CFAP61: variants seen among roughly 807,000 people sequenced by gnomAD.
CFAP61 encodes the protein cilia- and flagella-associated protein 61.
A neutral mutation model predicts 135.6 loss-of-function variants in CFAP61; 107 were observed. That is an observed-to-expected ratio of 0.79 (90% CI 0.67 to 0.93). The LOEUF (loss-of-function observed/expected upper bound fraction) is 0.93. Ranked by LOEUF, CFAP61 falls within the 40% of genes least tolerant of loss-of-function variation. CFAP61 has a pLI of 0.00. For missense variants in CFAP61, 1,507 were observed against 1,556.2 expected (o/e 0.97, Z 0.53); for synonymous variants, 575 against 578.5 (o/e 0.99, Z 0.09).
chr20:20,194,537 G>A (rs1365786116), intron 15 of CFAP61, among the ~76,000 whole-genome samples: 1 of 152,100 alleles, frequency 6.6e-6, no homozygotes, highest in African/African-American at 2.4e-5. Context: ...GTTTCTCTAT[G>A]CTGGTCTTTT....
At chr20:20,149,214 T>G (rs2052183675) in intron 9 of CFAP61, among the ~76,000 whole-genome samples, 1 of 152,178 alleles carries the variant, frequency 6.6e-6, no homozygotes, top group South Asian at 2.1e-4. Flanking sequence ...AAATTTAGGA[T>G]TCAAGTCATC....
intron 9 of CFAP61, among the ~76,000 whole-genome samples, chr20:20,146,042 C>T (rs2051853297): frequency 6.6e-6 from 1 of 152,218 alleles, no homozygotes; most frequent in Non-Finnish European, 1.5e-5. Flanking sequence ...CAGTGGCCCT[C>T]AGCATCCCAT....
rs746803306 is a variant in CFAP61 at position 20,288,879 on chromosome 20, G to A, written c.3067G>A (p.Glu1023Lys). Residue 1023 changes from glutamate (E) to lysine (K), a missense_variant, in exon 23 of 27, where the codon GAG becomes AAG. Transcript: ENST00000245957. The stretch of plus-strand genomic sequence containing the variant: ...TGATCCAACCCTTGAGCCTGTGACC[G>A]AGCCACCAGCTAATCTTGACCGGCT... Reference protein sequence around the residue: ...LFDPTLEPVTEPPANLDRLIP... With the variant: ...LFDPTLEPVTKPPANLDRLIP... 1.2e-5 allele frequency: 20 copies of A among 1,613,434 alleles called. No homozygotes were observed. The East Asian group carries it at 1.8e-4, about 14-fold the overall frequency.
intron 24 of CFAP61, among the ~76,000 whole-genome samples, chr20:20,296,041 C>G (rs757975503): frequency 0.023 from 629 of 27,764 alleles, 9 homozygotes; most frequent in Non-Finnish European, 0.024. Flanking sequence ...TTTTCTTCCT[C>G]CCTCCCTTCC....
At chr20:20,255,430 G>T (rs886365693) in intron 20 of CFAP61, among the ~76,000 whole-genome samples, 1 of 152,188 alleles carries the variant, frequency 6.6e-6, no homozygotes, top group Admixed American at 6.5e-5. Flanking sequence ...GCAGCTGACA[G>T]GTAGGGCAGG....
At chr20:20,357,078 A>G (rs75766337) in intron 26 of CFAP61, among the ~76,000 whole-genome samples, 4,487 of 13,988 alleles carry the variant, frequency 0.32, 171 homozygotes, top group Non-Finnish European at 0.43. Flanking sequence ...TCACACTGAG[A>G]GGAGGTGGTC....
chr20:20,227,254 G>A (rs1193285242), intron 17 of CFAP61, among the ~76,000 whole-genome samples: 18 of 152,234 alleles, frequency 1.2e-4, no homozygotes, highest in Non-Finnish European at 1.5e-5. Context: ...AGAATGCGGA[G>A]ATTTCTGATG....
chr20:20,221,734 A>T (rs751394819), intron 17 of CFAP61: 5 of 152,152 alleles, frequency 3.3e-5, no homozygotes, highest in Non-Finnish European at 7.4e-5. Context: ...CCTGAAAGGC[A>T]CTCAATCGTT....
At chr20:20,355,013 G>A (rs1310792526) in intron 26 of CFAP61, among the ~76,000 whole-genome samples, 5 of 135,046 alleles carry the variant, frequency 3.7e-5, no homozygotes, top group Non-Finnish European at 7.9e-5. Context: ...TGGTCACACT[G>A]CAAGAGGGGA....
chr20:20,164,346 T>G, intron 11 of CFAP61, 118 bp downstream of exon 11: 2 of 1,008,402 alleles, frequency 2.0e-6, no homozygotes, highest in Non-Finnish European at 2.9e-6. Context: ...CCTAATCTCC[T>G]GGGGAATTTT....
At chr20:20,287,313 G>A (rs1401474461) in intron 22 of CFAP61, among the ~76,000 whole-genome samples, 5 of 152,316 alleles carry the variant, frequency 3.3e-5, no homozygotes, top group African/African-American at 7.2e-5. Context: ...GGACATCATA[G>A]AGATGATGGA....
At chr20:20,198,747 G>A (rs916881461) in intron 16 of CFAP61, among the ~76,000 whole-genome samples, 22 of 152,136 alleles carry the variant, frequency 1.4e-4, no homozygotes, top group African/African-American at 2.7e-4. Context: ...GCGAAGTCAC[G>A]GTCTGAAGTC....
intron 21 of CFAP61, among the ~76,000 whole-genome samples, chr20:20,271,627 C>T (rs1485444896): frequency 6.6e-6 from 1 of 152,176 alleles, no homozygotes; most frequent in Non-Finnish European, 1.5e-5. Context: ...CCCTACTGCC[C>T]GTCTCAGATC....
chr20:20,143,655 C>T (rs1169163095), intron 9 of CFAP61, among the ~76,000 whole-genome samples: 1 of 152,222 alleles, frequency 6.6e-6, no homozygotes, highest in Non-Finnish European at 1.5e-5. Context: ...AATCCTGTGG[C>T]TGCCCCAGTT....
At chr20:20,302,379 T>G (rs2056161593) in intron 25 of CFAP61, among the ~76,000 whole-genome samples, 1 of 152,212 alleles carries the variant, frequency 6.6e-6, no homozygotes, top group Non-Finnish European at 1.5e-5. Flanking sequence ...ATAAAAAGAT[T>G]GGCTGGGTGA....
intron 10 of CFAP61, 56 bp from the exon 11 acceptor site, chr20:20,163,994 T>G (rs2053615753): frequency 6.9e-7 from 1 of 1,454,408 alleles, no homozygotes; most frequent in East Asian, 2.3e-5. Context: ...ACCAGCCCAC[T>G]AAATTACAGG....
At chr20:20,072,890 C>A (rs971302595) in intron 3 of CFAP61, among the ~76,000 whole-genome samples, 41 of 152,134 alleles carry the variant, frequency 2.7e-4, no homozygotes, top group Non-Finnish European at 1.5e-4. Context: ...TAAATATTAA[C>A]TTAAATATTA....
At chr20:20,304,366 GA>G (rs906586302) in intron 25 of CFAP61, among the ~76,000 whole-genome samples, 1 of 150,522 alleles carries the variant, frequency 6.6e-6, no homozygotes, top group African/African-American at 2.5e-5. Flanking sequence ...TTTGGAAAAA[GA>G]ATAGAGCCAA....
intron 24 of CFAP61, among the ~76,000 whole-genome samples, chr20:20,292,395 T>A (rs1227093597): frequency 5.3e-5 from 8 of 152,228 alleles, no homozygotes; most frequent in Non-Finnish European, 1.2e-4. Flanking sequence ...CAACATTTTC[T>A]TATAATAAAG....
Sources: allele counts gnomAD v4.1 joint callset (sites outside exome capture counted in the v4.1 genomes callset), GRCh38; gene constraint gnomAD v4.1.1; transcripts MANE v1.5; gene names NCBI Gene and HGNC (gene_info 2026-07-23, HGNC 2026-07-21).